Variants in PPP2R1A observed in about 807,000 individuals in gnomAD.
PPP2R1A encodes protein phosphatase 2 scaffold subunit Aalpha.
In PPP2R1A, 15 loss-of-function variants were observed where a neutral mutation model predicts 67.1. The ratio of observed to expected loss-of-function variants is 0.22; its 90% CI spans 0.15 to 0.34. PPP2R1A has a LOEUF of 0.34. PPP2R1A is among the 10% of genes least tolerant of loss of function. PPP2R1A has a pLI of 1.00. For missense variants in PPP2R1A, 369 were observed against 775.0 expected, an observed-to-expected ratio of 0.48 and a Z score of 6.22; for synonymous variants, 337 against 325.0, an observed-to-expected ratio of 1.04 and a Z score of -0.40.
At chr19:52,220,794 AT>A (rs1473701140) in intron 11 of PPP2R1A, among the ~76,000 whole-genome samples, 184 bp from the exon 12 acceptor site, 4 of 152,164 alleles carry the variant, frequency 2.6e-5, no homozygotes, top group African/African-American at 9.7e-5. Context: ...GGTTGAAAAG[AT>A]ACTGTATAAA....
intron 1 of PPP2R1A, chr19:52,201,113 C>A (rs113961156): frequency 2.7e-5 from 4 of 148,500 alleles, no homozygotes; most frequent in African/African-American, 1.0e-4. Context: ...TTGACGTGCA[C>A]GTCACTGGAT....
intron 1 of PPP2R1A, among the ~76,000 whole-genome samples, chr19:52,195,336 A>T (rs530915521): frequency 6.6e-6 from 1 of 152,252 alleles, no homozygotes; most frequent in African/African-American, 2.4e-5. Flanking sequence ...CCCAATTCCT[A>T]TTCTCTCACT....
chr19:52,209,087 A>AT (rs1471796236), intron 3 of PPP2R1A, among the ~76,000 whole-genome samples: 3 of 152,204 alleles, frequency 2.0e-5, no homozygotes, highest in Non-Finnish European at 4.4e-5. Flanking sequence ...CCTCCGGGTG[A>AT]TTCTGCTGCA....
At position 52,210,350 on chromosome 19, in the gene PPP2R1A, C is replaced by T. The variant is rs111643558; in HGVS notation, c.271-910C>T. Among the ~76,000 whole-genome samples the T allele has an allele frequency of 6.8e-3, 1,029 of 152,190 alleles. 13 individuals carry two copies. Among genetic ancestry groups the T allele is most frequent in the African/African-American group, 0.024 (979 of 41,540 alleles). ...GAGCAGTCCCGAGCCCCATAGTCCC[C>T]CAGAAACATGAGATCCCAATTCAGT... On this transcript the variant is annotated intron_variant, in intron 3 of 14. Coordinates refer to ENST00000322088, the MANE Select transcript of PPP2R1A (RefSeq NM_014225.6).
At position 52,220,996 on chromosome 19, in the gene PPP2R1A, G is replaced by T; in HGVS notation, c.1381G>T (p.Ala461Ser). The stretch of plus-strand genomic sequence containing the variant: ...TTCTGCAGTATATGCCATCCGCGAG[G>T]CAGCCACCAGCAACCTGAAGAAGCT... ...LVDHVYAIRE[A>S]ATSNLKKLVE... is the part of the protein sequence containing the mutation. Residue 461 changes from alanine (A) to serine (S), a missense_variant, in exon 12 of 15, where the codon GCA becomes TCA. By Grantham distance (99) the Ala-to-Ser change is moderately conservative. Transcript: ENST00000322088. The T allele has an allele frequency of 6.2e-7, 1 of 1,614,202 alleles. No homozygotes were observed. The highest frequency in any genetic ancestry group is 8.5e-7 in the Non-Finnish European group (1 of 1,180,030).
Position 52,226,316 on chromosome 19 carries a change from C to T in PPP2R1A, c.*335C>T, listed in dbSNP as rs549791917. The T allele has an allele frequency of 4.1e-5, 17 of 415,282 alleles. No individual in the cohort carries two copies. The South Asian group carries it at 8.6e-4, about 21-fold the overall frequency. The allele number at this position is 415,282 out of a possible 1,614,324, so 25.7% of individuals were successfully genotyped here. ...CTCCCCCATTTACTTCTCCACCTCCCGTCCTCCCCATCATTGGTTTTTTTT... is the reference window on the plus strand; with the variant it reads ...CTCCCCCATTTACTTCTCCACCTCCTGTCCTCCCCATCATTGGTTTTTTTT... On this transcript the variant is annotated 3_prime_UTR_variant, in exon 15 of 15. Transcript: ENST00000322088.
chr19:52,219,851 T>A lies in PPP2R1A; in HGVS notation c.1289T>A (p.Leu430Gln). The A allele has an allele frequency of 6.2e-7, 1 of 1,611,240 alleles. No individual in the cohort carries two copies. Among genetic ancestry groups the A allele is most frequent in the Non-Finnish European group, 8.5e-7 (1 of 1,179,492 alleles). ...RLAIIEYMPLLAGQLGVEFFD... is the reference protein window; with the variant it reads ...RLAIIEYMPLQAGQLGVEFFD... ...GCCATCATTGAGTACATGCCCCTCC[T>A]GGCTGGACAGCTGGTGAGTGAGGAG... Residue 430 changes from leucine to glutamine, a missense_variant, in exon 10 of 15, where the codon CTG becomes CAG. Around this residue, in one of 2 missense-constraint regions of PPP2R1A, gnomAD observed 276 missense variants for 508.4 expected, o/e 0.54. Transcript: ENST00000322088. The surrounding 1 kb of genome is among the most constrained non-coding windows in gnomAD (Gnocchi z 4.0).
At chr19:52,204,452 T>G (rs10410464) in intron 2 of PPP2R1A, among the ~76,000 whole-genome samples, 2,120 of 152,220 alleles carry the variant, frequency 0.014, 47 homozygotes, top group African/African-American at 0.049. Context: ...GTGACCTTAG[T>G]TTGGGAGGGT....
intron 1 of PPP2R1A, among the ~76,000 whole-genome samples, chr19:52,200,630 G>A (rs1208462634): frequency 6.6e-6 from 1 of 152,216 alleles, no homozygotes; most frequent in Non-Finnish European, 1.5e-5. Context: ...CAGTTCTGGA[G>A]GCCGGAAGTC....
chr19:52,193,938 C>G (rs1281806841), intron 1 of PPP2R1A, among the ~76,000 whole-genome samples: 2 of 149,888 alleles, frequency 1.3e-5, no homozygotes, highest in Non-Finnish European at 3.0e-5. Flanking sequence ...AAAGTGAGAC[C>G]CTGTCTCTAC....
In PPP2R1A at chr19:52,192,572, C is replaced by T. The variant is rs111708288; in HGVS notation, c.78+2398C>T. Among the ~76,000 whole-genome samples the T allele has an allele frequency of 1.9e-3, 288 of 152,094 alleles. 2 individuals are homozygous for T. The highest frequency in any genetic ancestry group is 6.8e-3 in the Middle Eastern group (2 of 294). ...CAGGTGATCCTCCTGCCTCGGCCTC[C>T]GAAAGTGCTGGAATTACAGGCGTGA... is the stretch of plus-strand genomic sequence containing the variant. On this transcript the variant is annotated intron_variant, in intron 1 of 14. Coordinates refer to ENST00000322088, the MANE Select transcript of PPP2R1A (RefSeq NM_014225.6).
chr19:52,220,603 G>A (rs993882371), intron 11 of PPP2R1A, among the ~76,000 whole-genome samples: 26 of 151,948 alleles, frequency 1.7e-4, no homozygotes, highest in Admixed American at 3.9e-4. Flanking sequence ...GGTGCCTTGG[G>A]GCCATTATGA....
chr19:52,225,531 C>G (rs1255707247), intron 13 of PPP2R1A, among the ~76,000 whole-genome samples, 186 bp from the exon 14 acceptor site: 1 of 152,114 alleles, frequency 6.6e-6, no homozygotes, highest in East Asian at 1.9e-4. Flanking sequence ...ACTATGGTCA[C>G]CCGCCTGTGC....
chr19:52,217,469 G>T (rs1978646350), intron 9 of PPP2R1A, among the ~76,000 whole-genome samples: 1 of 152,190 alleles, frequency 6.6e-6, no homozygotes, highest in African/African-American at 2.4e-5. Context: ...AAAGGCCTGG[G>T]ATTATAGGCG....
chr19:52,218,471 TTAAC>T (rs1339104329), intron 9 of PPP2R1A, among the ~76,000 whole-genome samples: 1 of 152,210 alleles, frequency 6.6e-6, no homozygotes, highest in East Asian at 1.9e-4. Flanking sequence ...TAGTGGGTGA[TTAAC>T]TGTACTGGTT....
chr19:52,225,072 C>T (rs1354747326), intron 13 of PPP2R1A, among the ~76,000 whole-genome samples: 1 of 134,996 alleles, frequency 7.4e-6, no homozygotes, highest in Non-Finnish European at 1.5e-5. Context: ...GGCTGGAGTG[C>T]AATGATGCAA....
intron 12 of PPP2R1A, chr19:52,221,886 ATAAT>A (rs376716454): frequency 8.5e-5 from 42 of 492,558 alleles, no homozygotes; most frequent in East Asian, 7.2e-4. Flanking sequence ...GATCTCCAGA[ATAAT>A]TAAGGGAAGC....
intron 1 of PPP2R1A, among the ~76,000 whole-genome samples, chr19:52,197,858 G>T (rs574678657): frequency 6.6e-6 from 1 of 152,288 alleles, no homozygotes; most frequent in African/African-American, 2.4e-5. Context: ...TCCCTCATGG[G>T]ATTGTGAGGG....
At chr19:52,192,867 A>G (rs1453627027) in intron 1 of PPP2R1A, among the ~76,000 whole-genome samples, 1 of 152,148 alleles carries the variant, frequency 6.6e-6, no homozygotes, top group Non-Finnish European at 1.5e-5. Context: ...ACCCCCCAGG[A>G]ACCGCGAGGT....
Sources: gnomAD v4.1 joint callset for allele counts (sites outside exome capture counted in the v4.1 genomes callset) on GRCh38, gnomAD v4.1.1 for gene constraint, gnomAD v4.1.1 regional missense constraint, Gnocchi (gnomAD v3.1) non-coding constraint, MANE v1.5 for transcripts, NCBI Gene and HGNC (gene_info 2026-07-23, HGNC 2026-07-21) for gene names.